The following FAM81A variants were observed in gnomAD, a reference collection of about 807,000 sequenced individuals.
The protein encoded by FAM81A is protein FAM81A.
In FAM81A, 19 loss-of-function variants were observed where a neutral mutation model predicts 46.7. The observed-to-expected ratio is 0.41, with a 90% CI of 0.28 to 0.60. FAM81A has a LOEUF of 0.60. Among genes scored for constraint, FAM81A ranks in the 20% least tolerant of loss-of-function variants. FAM81A has a pLI of 0.34. For missense variants in FAM81A, 377 were observed against 453.5 expected (o/e 0.83, Z 1.53); for synonymous variants, 183 against 152.9 (o/e 1.20, Z -1.45).
At chr15:59,472,242 G>T (rs1244620492) in intron 3 of FAM81A, among the ~76,000 whole-genome samples, 5 of 152,090 alleles carry the variant, frequency 3.3e-5, no homozygotes, top group Non-Finnish European at 7.4e-5. Context: ...TTGGGAGGCC[G>T]AGGTGGGAGG....
At chr15:59,402,014 G>T (rs1051643243) in intron 1 of FAM81A, 1 of 615,752 alleles carries the variant, frequency 1.6e-6, no homozygotes, top group Non-Finnish European at 2.9e-6. Context: ...TGTTGACGCC[G>T]CAGAGCTGCC....
intron 1 of FAM81A, among the ~76,000 whole-genome samples, chr15:59,399,117 C>A (rs1330401249): frequency 6.6e-6 from 1 of 152,084 alleles, no homozygotes; most frequent in African/African-American, 2.4e-5. Context: ...TATGGTAAGA[C>A]GAGATCACAC....
intron 4 of FAM81A, among the ~76,000 whole-genome samples, chr15:59,497,427 C>G (rs2082046011): frequency 6.6e-6 from 1 of 151,390 alleles, no homozygotes; most frequent in African/African-American, 2.4e-5. Context: ...GCCTGGGCAA[C>G]AGAGCAAGAC....
chr15:59,468,079 A>AACTTT (rs2081637364), intron 3 of FAM81A, among the ~76,000 whole-genome samples: 1 of 152,088 alleles, frequency 6.6e-6, no homozygotes, highest in East Asian at 1.9e-4. Context: ...TTGGTGGATA[A>AACTTT]GCTTTTTGAT....
At chr15:59,492,613 A>G (rs2081993200) in intron 4 of FAM81A, among the ~76,000 whole-genome samples, 1 of 152,188 alleles carries the variant, frequency 6.6e-6, no homozygotes, top group Non-Finnish European at 1.5e-5. Context: ...TCCTGGGAAG[A>G]AATGATGGGA....
intron 3 of FAM81A, among the ~76,000 whole-genome samples, chr15:59,475,150 C>T (rs1167681301): frequency 3.4e-5 from 5 of 145,588 alleles, no homozygotes; most frequent in African/African-American, 1.3e-4. Flanking sequence ...TTTCCAAAAC[C>T]TTTTTTTTTT....
chr15:59,470,079 T>A (rs2141674794), intron 3 of FAM81A, among the ~76,000 whole-genome samples: 1 of 152,378 alleles, frequency 6.6e-6, no homozygotes, highest in Non-Finnish European at 1.5e-5. Flanking sequence ...AGAGATCTGC[T>A]GTTAGTCTGA....
intron 3 of FAM81A, among the ~76,000 whole-genome samples, chr15:59,471,326 A>C (rs1396509926): frequency 6.6e-6 from 1 of 152,078 alleles, no homozygotes; most frequent in Non-Finnish European, 1.5e-5. Context: ...TTATAATTGC[A>C]TATATCTACC....
chr15:59,412,958 A>T (rs191781041), intron 2 of FAM81A, among the ~76,000 whole-genome samples: 97 of 152,318 alleles, frequency 6.4e-4, no homozygotes, highest in Non-Finnish European at 6.8e-4. Context: ...AAAACGTAAG[A>T]AAAACCAAAC....
At chr15:59,428,225 T>C (rs1353891077) in intron 2 of FAM81A, among the ~76,000 whole-genome samples, 1 of 152,192 alleles carries the variant, frequency 6.6e-6, no homozygotes, top group East Asian at 1.9e-4. Context: ...TCTATTCAGA[T>C]CTTTTGTCCA....
At chr15:59,513,446 T>A (rs1596546752) in intron 6 of FAM81A, among the ~76,000 whole-genome samples, 1 of 152,174 alleles carries the variant, frequency 6.6e-6, no homozygotes, top group Non-Finnish European at 1.5e-5. Context: ...CTGGCCCAGC[T>A]CTGTGTCGCT....
intron 4 of FAM81A, among the ~76,000 whole-genome samples, chr15:59,494,869 A>AT (rs1271887354): frequency 6.6e-5 from 10 of 152,010 alleles, no homozygotes; most frequent in Non-Finnish European, 1.3e-4. Flanking sequence ...ATGGGCCTTG[A>AT]TTTTTTTCCC....
intron 3 of FAM81A, among the ~76,000 whole-genome samples, chr15:59,477,997 C>G (rs2081794732): frequency 6.6e-6 from 1 of 152,154 alleles, no homozygotes; most frequent in Non-Finnish European, 1.5e-5. Context: ...TTATACATGT[C>G]TGGGTTATCC....
intron 1 of FAM81A, among the ~76,000 whole-genome samples, chr15:59,442,783 CTGTG>C (rs1398156142): frequency 2.6e-5 from 4 of 152,294 alleles, no homozygotes; most frequent in East Asian, 1.9e-4. Context: ...CTCTGTGTGT[CTGTG>C]TATCTGTGTG....
At chr15:59,470,887 A>G (rs1299582753) in intron 3 of FAM81A, among the ~76,000 whole-genome samples, 3 of 152,110 alleles carry the variant, frequency 2.0e-5, no homozygotes, top group African/African-American at 4.8e-5. Flanking sequence ...CAGTGGCTCT[A>G]TTACAGCTCA....
intron 1 of FAM81A, among the ~76,000 whole-genome samples, chr15:59,445,988 T>C (rs1456153250): frequency 1.3e-5 from 2 of 152,222 alleles, no homozygotes; most frequent in Non-Finnish European, 2.9e-5. Context: ...AGCTCACAGC[T>C]GGAAGGGCAC....
At chr15:59,514,473 C>A (rs2082246522) in intron 7 of FAM81A, 49 bp downstream of exon 7, 2 of 1,573,282 alleles carry the variant, frequency 1.3e-6, no homozygotes, top group South Asian at 1.2e-5. Context: ...TCAGTGGGGG[C>A]CTACACTGTT....
At chr15:59,484,254 C>T (rs1278896993) in intron 3 of FAM81A, among the ~76,000 whole-genome samples, 3 of 152,210 alleles carry the variant, frequency 2.0e-5, no homozygotes, top group African/African-American at 7.2e-5. Context: ...AAAATTTCTT[C>T]TTGAACTTAA....
At chr15:59,514,179 G>A (rs2082242962) in intron 6 of FAM81A, 110 bp from the exon 7 acceptor site, 2 of 1,141,860 alleles carry the variant, frequency 1.8e-6, no homozygotes, top group East Asian at 5.3e-5. Flanking sequence ...CATGGCACAT[G>A]TTTACCTGTG....
Sources: allele counts gnomAD v4.1 joint callset (sites outside exome capture counted in the v4.1 genomes callset), GRCh38; gene constraint gnomAD v4.1.1; transcripts MANE v1.5; gene names NCBI Gene and HGNC (gene_info 2026-07-23, HGNC 2026-07-21).